Variants in PLD1 observed in about 807,000 individuals in gnomAD.
PLD1 encodes phospholipase D1.
A neutral mutation model predicts 137.1 loss-of-function variants in PLD1; 112 were observed. The observed-to-expected ratio is 0.82, with a 90% CI of 0.70 to 0.96. The LOEUF (loss-of-function observed/expected upper bound fraction) is 0.96, where lower values mean the gene tolerates loss of function less well. Ranked by LOEUF, PLD1 falls within the 40% of genes least tolerant of loss-of-function variation. The pLI is 0.00. For synonymous variants in PLD1, 431 were observed against 454.7 expected (o/e 0.95, Z 0.66); for missense variants, 1,321 against 1,342.0 (o/e 0.98, Z 0.24).
Position 171,603,025 on chromosome 3 carries a change from G to T in PLD1, c.*53C>A. On this transcript the variant is annotated 3_prime_UTR_variant, in exon 27 of 27. Transcript: ENST00000351298. The stretch of plus-strand genomic sequence containing the variant: ...GCTATGACATCCCCAGGAAGTCACT[G>T]TGTGCAGTGTGGTCTCCAGGGTGGA... The T allele has an allele frequency of 1.5e-6, 2 of 1,292,008 alleles. No homozygotes were observed. Among genetic ancestry groups the T allele is most frequent in the Non-Finnish European group, 2.2e-6 (2 of 894,882 alleles). The allele number at this position is 1,292,008 out of a possible 1,614,324, so 80.0% of individuals were successfully genotyped here.
At chr3:171,796,285 A>C (rs12486090) in intron 1 of PLD1, among the ~76,000 whole-genome samples, 18,840 of 152,280 alleles carry the variant, frequency 0.12, 1,238 homozygotes, top group Middle Eastern at 0.23. Context: ...AAATAGCCAA[A>C]GAGATGTTTA....
At chr3:171,807,057 A>C (rs1723875967) in intron 1 of PLD1, among the ~76,000 whole-genome samples, 1 of 152,182 alleles carries the variant, frequency 6.6e-6, no homozygotes, top group Non-Finnish European at 1.5e-5. Flanking sequence ...CCTGTAATCC[A>C]GCACTTTGGG....
intron 3 of PLD1, 52 bp from the exon 4 acceptor site, chr3:171,735,689 A>G: frequency 9.3e-7 from 1 of 1,077,972 alleles, no homozygotes; most frequent in Non-Finnish European, 1.4e-6. Context: ...CAAAAATTCC[A>G]AAAGCTTTCA....
chr3:171,614,498 C>T (rs1412252005), intron 24 of PLD1, among the ~76,000 whole-genome samples: 2 of 152,190 alleles, frequency 1.3e-5, no homozygotes, highest in Non-Finnish European at 2.9e-5. Flanking sequence ...TTACAAGCTG[C>T]TCTACAAATG....
At chr3:171,743,867 C>T (rs1034020430) in intron 1 of PLD1, among the ~76,000 whole-genome samples, 15 of 152,122 alleles carry the variant, frequency 9.9e-5, no homozygotes, top group Non-Finnish European at 1.5e-4. Context: ...GACACCCAGC[C>T]GAGCACCCAC....
chr3:171,742,841 T>C (rs961126900), intron 1 of PLD1, among the ~76,000 whole-genome samples: 2 of 152,230 alleles, frequency 1.3e-5, no homozygotes, highest in African/African-American at 2.4e-5. Context: ...TTTAGCTGAC[T>C]TTGAATAAAG....
chr3:171,637,264 TCTCA>T (rs1292254887), intron 23 of PLD1, among the ~76,000 whole-genome samples: 1 of 152,124 alleles, frequency 6.6e-6, no homozygotes, highest in East Asian at 1.9e-4. Flanking sequence ...TGAGACGGAG[TCTCA>T]CTCTGTCACC....
chr3:171,705,387 C>T (rs962947814), intron 11 of PLD1, among the ~76,000 whole-genome samples: 2 of 152,076 alleles, frequency 1.3e-5, no homozygotes, highest in African/African-American at 4.8e-5. Context: ...ATTGAAACCA[C>T]TCAGAGGAAA....
intron 1 of PLD1, 94 bp from the exon 2 acceptor site, chr3:171,738,176 G>T: frequency 1.5e-6 from 1 of 687,052 alleles, no homozygotes. Flanking sequence ...ACAGCATATG[G>T]AAACAATTCA....
At chr3:171,776,966 A>G (rs1722613144) in intron 1 of PLD1, among the ~76,000 whole-genome samples, 1 of 152,176 alleles carries the variant, frequency 6.6e-6, no homozygotes, top group Admixed American at 6.5e-5. Flanking sequence ...ATACCTGATC[A>G]GTTCACAGAC....
chr3:171,808,445 A>C (rs1723961876), intron 1 of PLD1, among the ~76,000 whole-genome samples: 1 of 152,150 alleles, frequency 6.6e-6, no homozygotes, highest in Non-Finnish European at 1.5e-5. Context: ...CTGAGGCAGG[A>C]GAATGGCGTG....
At chr3:171,659,118 G>C (rs1737447489) in intron 21 of PLD1, 95 bp downstream of exon 21, 1 of 827,336 alleles carries the variant, frequency 1.2e-6, no homozygotes, top group Non-Finnish European at 2.1e-6. Context: ...AAGCTGCTAG[G>C]AAATGACAGT....
chr3:171,732,932 C>T (rs1303476761), intron 6 of PLD1, among the ~76,000 whole-genome samples: 4 of 152,174 alleles, frequency 2.6e-5, no homozygotes, highest in Admixed American at 2.0e-4. Flanking sequence ...TACTTGGATT[C>T]CTCAAGGGTT....
chr3:171,643,699 T>C (rs1735965975), intron 22 of PLD1, among the ~76,000 whole-genome samples: 1 of 151,776 alleles, frequency 6.6e-6, no homozygotes, highest in South Asian at 2.1e-4. Context: ...ATGAAATTGA[T>C]AAAATTCAAT....
At chr3:171,704,463 A>AC (rs1716509312) in intron 11 of PLD1, among the ~76,000 whole-genome samples, 1 of 150,806 alleles carries the variant, frequency 6.6e-6, no homozygotes, top group African/African-American at 2.5e-5. Flanking sequence ...ACCAGGAAAA[A>AC]AAAAAAAAAA....
At chr3:171,708,862 T>C in intron 10 of PLD1, 24 bp from the exon 11 acceptor site, 2 of 1,374,928 alleles carry the variant, frequency 1.5e-6, no homozygotes, top group South Asian at 1.2e-5. Flanking sequence ...TTATTGTTCC[T>C]TTTTGTTATT....
intron 8 of PLD1, among the ~76,000 whole-genome samples, chr3:171,717,918 T>C (rs1717796467): frequency 6.6e-6 from 1 of 152,240 alleles, no homozygotes; most frequent in South Asian, 2.1e-4. Flanking sequence ...TGTAGTTTAT[T>C]GAGGGTTGTT....
In PLD1 at chr3:171,808,312, G is replaced by A. The variant is rs111626395; in HGVS notation, c.-32+2087C>T. ...AGCACTTTGGGAGGCCGAGGCGGGC[G>A]GATCACGAGGTCAGGAAATCGAGAC... is the stretch of plus-strand genomic sequence containing the variant. On this transcript the variant is annotated intron_variant, in intron 1 of 26. Transcript: ENST00000351298. Among the ~76,000 whole-genome samples the A allele has an allele frequency of 3.3e-3, 502 of 152,128 alleles. 3 individuals carry two copies. Among genetic ancestry groups the A allele is most frequent in the African/African-American group, 0.011 (451 of 41,496 alleles).
At chr3:171,798,043 A>G (rs1723499414) in intron 1 of PLD1, among the ~76,000 whole-genome samples, 1 of 152,228 alleles carries the variant, frequency 6.6e-6, no homozygotes, top group South Asian at 2.1e-4. Flanking sequence ...AAGAAACATT[A>G]AAGGGAAGGA....
Sources: gnomAD v4.1 joint callset for allele counts (sites outside exome capture counted in the v4.1 genomes callset) on GRCh38, gnomAD v4.1.1 for gene constraint, MANE v1.5 for transcripts, NCBI Gene and HGNC (gene_info 2026-07-23, HGNC 2026-07-21) for gene names.